Variants in SEC14L5 observed in about 807,000 individuals in gnomAD.
SEC14L5 encodes the protein SEC14-like protein 5.
SEC14L5 carries 96 observed loss-of-function variants against 84.6 expected under a neutral mutation model. That is an observed-to-expected ratio of 1.13 (90% CI 0.96 to 1.34). The LOEUF (loss-of-function observed/expected upper bound fraction) is 1.34, where lower values mean the gene tolerates loss of function less well. Among genes scored for constraint, SEC14L5 ranks in the 40% most tolerant of loss-of-function variants. SEC14L5 has a pLI of 0.00. For synonymous variants in SEC14L5, 546 were observed against 383.4 expected (o/e 1.42, Z -4.95); for missense variants, 1,224 against 942.5 (o/e 1.30, Z -3.91).
chr16:4,965,926 C>T, intron 2 of SEC14L5, among the ~76,000 whole-genome samples: 1 of 151,992 alleles, frequency 6.6e-6, no homozygotes, highest in East Asian at 1.9e-4. Flanking sequence ...CCTGCAGTCC[C>T]AGCTACTTGG....
At chr16:5,005,176 A>G (rs1240918420) in intron 11 of SEC14L5, among the ~76,000 whole-genome samples, 1 of 152,174 alleles carries the variant, frequency 6.6e-6, no homozygotes, top group Admixed American at 6.5e-5. Context: ...TTAGCCAGGC[A>G]TGGTGGTGGG....
intron 12 of SEC14L5, among the ~76,000 whole-genome samples, 185 bp downstream of exon 12, chr16:5,006,233 G>A (rs1955730813): frequency 6.6e-6 from 1 of 152,236 alleles, no homozygotes; most frequent in African/African-American, 2.4e-5. Flanking sequence ...CTGCTTCAAA[G>A]AGAGGTGATG....
intron 11 of SEC14L5, among the ~76,000 whole-genome samples, chr16:5,004,764 C>T (rs1955712984): frequency 1.3e-5 from 2 of 152,202 alleles, no homozygotes; most frequent in East Asian, 1.9e-4. Context: ...CCAAGGGCTC[C>T]TTCCTTCTTT....
At position 5,000,656 on chromosome 16, in the gene SEC14L5, T is replaced by A. The variant is rs778868819; in HGVS notation, c.972T>A (p.Asp324Glu). The change falls in exon 9 of 16, where the codon GAT (aspartate) becomes GAA (glutamate). Residue 324 changes from aspartate to glutamate, a missense_variant and splice_region_variant. Asp to Glu is a conservative substitution (Grantham distance 45, BLOSUM62 2). Coordinates refer to ENST00000251170, the MANE Select transcript of SEC14L5 (RefSeq NM_014692.2). ...TTCTGCTTGGCCCCATCCACAAAGA[T>A]GGCCGCCCCCTCTACATCCTCCGCC... ...YAGGWHYQDI[D>E]GRPLYILRLG... 5.8e-6 allele frequency: 9 copies of A among 1,550,964 alleles called. No individual in the cohort carries two copies. In the South Asian group the frequency reaches 1.1e-4, roughly 18 times the overall value.
intron 8 of SEC14L5, among the ~76,000 whole-genome samples, chr16:4,999,451 C>T (rs2142516871): frequency 6.6e-6 from 1 of 152,100 alleles, no homozygotes; most frequent in East Asian, 1.9e-4. Flanking sequence ...CACCACATCT[C>T]CACAAAAAAT....
rs909240250 is a variant in SEC14L5 at position 5,015,838 on chromosome 16, A to C, written c.*868A>C. 6.6e-6 allele frequency: 1 copy of C among 152,226 alleles called. No individual in the cohort carries two copies. Among genetic ancestry groups the C allele is most frequent in the Non-Finnish European group, 1.5e-5 (1 of 68,036 alleles). The allele number at this position is 152,226 out of a possible 1,614,324, so 9.4% of individuals were successfully genotyped here. ...TGAAGTGAAAATCCATGTTCCCTGC[A>C]CTTGGCCAGCATGGCCTAAGCCTGA... On this transcript the variant is annotated 3_prime_UTR_variant, in exon 16 of 16. Transcript: ENST00000251170.
chr16:5,015,182 C>T lies in SEC14L5; in HGVS notation c.*212C>T, dbSNP rs1955860966. ...CTTGAAATTGCAAGGACAGAACCATCTCCTTCCGGCTTCGTGTAAGGAAGA... is the reference window on the plus strand; with the variant it reads ...CTTGAAATTGCAAGGACAGAACCATTTCCTTCCGGCTTCGTGTAAGGAAGA... On this transcript the variant is annotated 3_prime_UTR_variant, in exon 16 of 16. Coordinates refer to ENST00000251170, the MANE Select transcript of SEC14L5 (RefSeq NM_014692.2). 2 of 567,424 alleles carry T rather than the reference C, an allele frequency of 3.5e-6. No individual in the cohort carries two copies. Among genetic ancestry groups the T allele is most frequent in the African/African-American group, 1.9e-5 (1 of 53,410 alleles). 35.1% of individuals were successfully genotyped at this position (567,424 alleles called of 1,614,324 possible).
intron 14 of SEC14L5, among the ~76,000 whole-genome samples, chr16:5,009,917 G>A (rs1955779591): frequency 6.6e-6 from 1 of 152,082 alleles, no homozygotes; most frequent in Admixed American, 6.6e-5. Context: ...GAAGGCAGGT[G>A]GACACGAGGG....
At position 5,000,647 on chromosome 16, in the gene SEC14L5, C is replaced by T; in HGVS notation, c.971-8C>T. ...GGCTCTTCTTTCTGCTTGGCCCCAT[C>T]CACAAAGATGGCCGCCCCCTCTACA... On this transcript the variant is annotated splice_polypyrimidine_tract_variant and splice_region_variant and intron_variant, in intron 8 of 15. Coordinates refer to ENST00000251170, the MANE Select transcript of SEC14L5 (RefSeq NM_014692.2). 3 of 1,549,916 alleles carry T rather than the reference C, an allele frequency of 1.9e-6. No homozygotes were observed. Among genetic ancestry groups the T allele is most frequent in the Non-Finnish European group, 2.6e-6 (3 of 1,145,878 alleles).
intron 2 of SEC14L5, among the ~76,000 whole-genome samples, chr16:4,962,667 G>C (rs902038396): frequency 7.8e-6 from 1 of 127,720 alleles, no homozygotes; most frequent in African/African-American, 2.9e-5. Flanking sequence ...CAGCCTGGGG[G>C]AAGAGTGAAA....
At position 5,017,289 on chromosome 16, in the gene SEC14L5, C is replaced by G. The variant is rs1253826147; in HGVS notation, c.*2319C>G. The G allele has an allele frequency of 6.6e-6, 1 of 152,282 alleles. No homozygotes were observed. Among genetic ancestry groups the G allele is most frequent in the Non-Finnish European group, 1.5e-5 (1 of 68,110 alleles). The allele number at this position is 152,282 out of a possible 1,614,324, so 9.4% of individuals were successfully genotyped here. ...GAGAGTGCTCTCTCCCTAGGGAAAACCAGCCCAAACTGGCTTAAGCAACAA... is the reference window on the plus strand; with the variant it reads ...GAGAGTGCTCTCTCCCTAGGGAAAAGCAGCCCAAACTGGCTTAAGCAACAA... On this transcript the variant is annotated 3_prime_UTR_variant, in exon 16 of 16. Transcript: ENST00000251170.
At position 5,003,446 on chromosome 16, in the gene SEC14L5, AC is replaced by A; in HGVS notation, c.1177del (p.Leu393CysfsTer6). ...GACCTGGAGGGACTCAACATGCGGC[AC>A]CTGTGGCGGCCGGGGGTGAAGGCCC... ...LLDLEGLNMR[H>X]LWRPGVKALL... On this transcript the variant is annotated frameshift_variant, in exon 11 of 16. Transcript: ENST00000251170. LOFTEE classifies it high-confidence loss of function. 1 of 1,613,344 alleles carries A rather than the reference AC, an allele frequency of 6.2e-7. No homozygotes were observed. The highest frequency in any genetic ancestry group is 8.5e-7 in the Non-Finnish European group (1 of 1,179,686).
At chr16:4,981,721 G>C (rs900717626) in intron 2 of SEC14L5, among the ~76,000 whole-genome samples, 1 of 152,170 alleles carries the variant, frequency 6.6e-6, no homozygotes, top group Non-Finnish European at 1.5e-5. Flanking sequence ...CGTGCTGTGT[G>C]ACTTGGGGTA....
At chr16:4,976,570 G>T (rs1371202083) in intron 2 of SEC14L5, among the ~76,000 whole-genome samples, 1 of 152,230 alleles carries the variant, frequency 6.6e-6, no homozygotes, top group Non-Finnish European at 1.5e-5. Context: ...AATTGGGCAA[G>T]TCTGGGTGGG....
intron 2 of SEC14L5, among the ~76,000 whole-genome samples, chr16:4,975,443 A>G (rs1215860665): frequency 1.5e-5 from 2 of 130,278 alleles, no homozygotes; most frequent in Non-Finnish European, 3.1e-5. Context: ...ACTGCACTCC[A>G]GCCCGGGTGA....
At chr16:5,005,449 T>C (rs1955719826) in intron 11 of SEC14L5, among the ~76,000 whole-genome samples, 1 of 151,706 alleles carries the variant, frequency 6.6e-6, no homozygotes, top group African/African-American at 2.4e-5. Context: ...CCTTCTGGGG[T>C]GATGAACATG....
At chr16:5,009,312 C>T (rs1013600685) in intron 14 of SEC14L5, among the ~76,000 whole-genome samples, 1 of 152,020 alleles carries the variant, frequency 6.6e-6, no homozygotes, top group Non-Finnish European at 1.5e-5. Context: ...ATCTTAAATC[C>T]TGTTTTTTTT....
chr16:4,992,828 C>G (rs1212908667), intron 6 of SEC14L5, among the ~76,000 whole-genome samples: 3 of 152,112 alleles, frequency 2.0e-5, no homozygotes, highest in African/African-American at 7.2e-5. Context: ...CATATATGCA[C>G]ATAAAATGTA....
At chr16:4,958,973 T>G (rs1199772761) in intron 1 of SEC14L5, among the ~76,000 whole-genome samples, 2 of 150,034 alleles carry the variant, frequency 1.3e-5, no homozygotes, top group Non-Finnish European at 3.0e-5. Flanking sequence ...CAAATGTGTG[T>G]GTGTCTGTGT....
Sources: allele counts gnomAD v4.1 joint callset (sites outside exome capture counted in the v4.1 genomes callset), GRCh38; gene constraint gnomAD v4.1.1; transcripts MANE v1.5; gene names NCBI Gene and HGNC (gene_info 2026-07-23, HGNC 2026-07-21).